Variants in GRM5 observed in about 807,000 individuals in gnomAD.
The protein encoded by GRM5 is metabotropic glutamate receptor 5.
A neutral mutation model predicts 83.1 loss-of-function variants in GRM5; 19 were observed. The ratio of observed to expected loss-of-function variants is 0.23; its 90% CI spans 0.16 to 0.34. The LOEUF (loss-of-function observed/expected upper bound fraction) is 0.34. GRM5 is among the 10% of genes least tolerant of loss of function. The probability of loss-of-function intolerance (pLI) is 1.00; values close to 1 mark genes in which losing one functional copy is unlikely to be tolerated. For missense variants in GRM5, 1,160 were observed against 1,588.3 expected, an observed-to-expected ratio of 0.73 and a Z score of 4.58; for synonymous variants, 675 against 633.6, an observed-to-expected ratio of 1.07 and a Z score of -0.98.
At chr11:88,665,207 C>A (rs1565177663) in intron 3 of GRM5, among the ~76,000 whole-genome samples, 4 of 81,566 alleles carry the variant, frequency 4.9e-5, no homozygotes, top group African/African-American at 1.4e-4. Context: ...CTTGGAATTT[C>A]TTTCTTTTTT....
intron 3 of GRM5, among the ~76,000 whole-genome samples, chr11:88,803,599 T>C (rs547707013): frequency 6.6e-6 from 1 of 152,162 alleles, no homozygotes; most frequent in South Asian, 2.1e-4. Context: ...AAAACCTAGG[T>C]ATTACCATTC....
intron 2 of GRM5, among the ~76,000 whole-genome samples, chr11:89,018,561 T>C (rs1339579463): frequency 1.3e-5 from 2 of 152,110 alleles, no homozygotes; most frequent in Non-Finnish European, 2.9e-5. Flanking sequence ...TATCTATCTA[T>C]CCCAAATGCT....
intron 2 of GRM5, among the ~76,000 whole-genome samples, chr11:88,981,576 A>G (rs1299050745): frequency 2.0e-5 from 3 of 152,190 alleles, no homozygotes; most frequent in African/African-American, 7.2e-5. Flanking sequence ...TGGCTGATTT[A>G]GACATTTATT....
chr11:88,677,518 C>T (rs781347836), intron 3 of GRM5, among the ~76,000 whole-genome samples: 6 of 152,064 alleles, frequency 3.9e-5, no homozygotes, highest in Non-Finnish European at 8.8e-5. Context: ...AGTGATTCTT[C>T]TACAAGAGAA....
chr11:88,933,672 T>C (rs1666619172), intron 2 of GRM5, among the ~76,000 whole-genome samples: 1 of 151,848 alleles, frequency 6.6e-6, no homozygotes, highest in Non-Finnish European at 1.5e-5. Context: ...ACTTTTACTA[T>C]CTTAATTCTA....
chr11:88,540,389 G>T (rs1228720811), intron 8 of GRM5, among the ~76,000 whole-genome samples: 3 of 152,168 alleles, frequency 2.0e-5, no homozygotes, highest in Non-Finnish European at 4.4e-5. Context: ...AAAATAACTG[G>T]ATTTTCACAA....
At chr11:88,802,881 T>C (rs1943426290) in intron 3 of GRM5, among the ~76,000 whole-genome samples, 1 of 151,674 alleles carries the variant, frequency 6.6e-6, no homozygotes, top group East Asian at 1.9e-4. Flanking sequence ...AGCATTCTTA[T>C]ACACCAATAA....
chr11:88,900,952 G>C (rs983424948), intron 2 of GRM5, among the ~76,000 whole-genome samples: 1 of 152,076 alleles, frequency 6.6e-6, no homozygotes, highest in Non-Finnish European at 1.5e-5. Flanking sequence ...CTACAACTTC[G>C]ATCCCATATT....
chr11:88,797,674 T>C (rs1943306271), intron 3 of GRM5, among the ~76,000 whole-genome samples: 1 of 152,206 alleles, frequency 6.6e-6, no homozygotes, highest in Admixed American at 6.6e-5. Context: ...CTTTTTAAAA[T>C]AGGTTCTAAA....
chr11:88,632,439 A>T (rs1443356633), intron 4 of GRM5, among the ~76,000 whole-genome samples: 3 of 151,380 alleles, frequency 2.0e-5, no homozygotes, highest in African/African-American at 7.3e-5. Context: ...TCCCTATGTT[A>T]CCCAGGTTGA....
intron 2 of GRM5, chr11:89,009,171 A>T: frequency 1.5e-6 from 1 of 673,212 alleles, no homozygotes. Context: ...TTAAGTGTAT[A>T]AATGAATAAA....
intron 2 of GRM5, among the ~76,000 whole-genome samples, chr11:89,028,232 A>C (rs1419673573): frequency 6.6e-6 from 1 of 152,178 alleles, no homozygotes; most frequent in Non-Finnish European, 1.5e-5. Flanking sequence ...ATTAATTATA[A>C]CTAACATCCA....
At chr11:88,939,361 C>T (rs965079775) in intron 2 of GRM5, among the ~76,000 whole-genome samples, 10 of 151,738 alleles carry the variant, frequency 6.6e-5, no homozygotes, top group African/African-American at 2.2e-4. Flanking sequence ...ATCATATTTT[C>T]ATGAAACCCA....
chr11:89,012,739 T>A (rs1420101367), intron 2 of GRM5, among the ~76,000 whole-genome samples: 2 of 152,160 alleles, frequency 1.3e-5, no homozygotes, highest in Non-Finnish European at 2.9e-5. Context: ...AACATTAACG[T>A]TAAAAGAGCC....
chr11:88,969,140 G>A (rs1311987875), intron 2 of GRM5, among the ~76,000 whole-genome samples: 1 of 152,012 alleles, frequency 6.6e-6, no homozygotes, highest in Non-Finnish European at 1.5e-5. Flanking sequence ...ATATAAGAAT[G>A]CATTTCAGTC....
chr11:88,857,737 C>G (rs1944499531), intron 2 of GRM5, among the ~76,000 whole-genome samples: 1 of 151,866 alleles, frequency 6.6e-6, no homozygotes, highest in Admixed American at 6.6e-5. Flanking sequence ...ATTTCTTTCA[C>G]AACAAAACAT....
At chr11:88,625,472 G>A (rs1938768123) in intron 4 of GRM5, among the ~76,000 whole-genome samples, 1 of 152,062 alleles carries the variant, frequency 6.6e-6, no homozygotes, top group African/African-American at 2.4e-5. Context: ...GAAGTATTTG[G>A]TGGATTTTCT....
At position 88,929,363 on chromosome 11, in the gene GRM5, A is replaced by G. The variant is rs1360636591; in HGVS notation, c.662-79208T>C. Among the ~76,000 whole-genome samples, 3 of 152,170 alleles carry G rather than the reference A, an allele frequency of 2.0e-5. No individual in the cohort carries two copies. In the East Asian group the frequency reaches 5.8e-4, roughly 29 times the overall value. On this transcript the variant is annotated intron_variant, in intron 2 of 9. Coordinates refer to ENST00000305447, the MANE Select transcript of GRM5 (RefSeq NM_001143831.3). ...ATTAACAACATACAATTTACTTTTCATCTTTATTATTAAACATGAATGAAA... is the reference window on the plus strand; with the variant it reads ...ATTAACAACATACAATTTACTTTTCGTCTTTATTATTAAACATGAATGAAA...
At chr11:88,636,690 A>G (rs2135279577) in intron 4 of GRM5, among the ~76,000 whole-genome samples, 1 of 152,290 alleles carries the variant, frequency 6.6e-6, no homozygotes, top group East Asian at 1.9e-4. Flanking sequence ...ACTTGGTAAT[A>G]ATGTATTATA....
Sources: allele counts gnomAD v4.1 joint callset (sites outside exome capture counted in the v4.1 genomes callset), GRCh38; gene constraint gnomAD v4.1.1; transcripts MANE v1.5; gene names NCBI Gene and HGNC (gene_info 2026-07-23, HGNC 2026-07-21).